Variants in STX2 observed in about 807,000 individuals in gnomAD.
The protein encoded by STX2 is syntaxin 2, also known as syntaxin-2.
In STX2, 27 loss-of-function variants were observed where a neutral mutation model predicts 40.6. That is an observed-to-expected ratio of 0.66 (90% CI 0.49 to 0.92). STX2 has a LOEUF of 0.92. STX2 is among the 40% of genes least tolerant of loss of function. The pLI is 0.00. For missense variants in STX2, 328 were observed against 366.1 expected (o/e 0.90, Z 0.85); for synonymous variants, 123 against 119.1 (o/e 1.03, Z -0.22).
chr12:130,818,187 T>A (rs1475568544), intron 3 of STX2, among the ~76,000 whole-genome samples: 622 of 54,292 alleles, frequency 0.011, 12 homozygotes, highest in African/African-American at 0.057. Flanking sequence ...AAAAAAAAAA[T>A]ATATATATAT....
intron 6 of STX2, among the ~76,000 whole-genome samples, chr12:130,806,260 G>A (rs1012036738): frequency 2.6e-5 from 4 of 152,192 alleles, no homozygotes; most frequent in Non-Finnish European, 5.9e-5. Context: ...GAGCTGACAC[G>A]CTGGCCTGCC....
chr12:130,818,185 A>AAAAAAAAAAAAAAT, intron 3 of STX2, among the ~76,000 whole-genome samples: 1 of 70,544 alleles, frequency 1.4e-5, no homozygotes, highest in African/African-American at 1.2e-4. Flanking sequence ...AAAAAAAAAA[A>AAAAAAAAAAAAAAT]ATATATATAT....
intron 2 of STX2, among the ~76,000 whole-genome samples, chr12:130,826,493 C>T (rs1393272847): frequency 2.0e-5 from 3 of 152,212 alleles, no homozygotes; most frequent in African/African-American, 7.2e-5. Flanking sequence ...CGGCCCCAAC[C>T]CACGCGGAGG....
At chr12:130,818,138 G>A (rs1215236992) in intron 3 of STX2, among the ~76,000 whole-genome samples, 2 of 137,390 alleles carry the variant, frequency 1.5e-5, no homozygotes, top group African/African-American at 5.8e-5. Flanking sequence ...GGGGACAGGA[G>A]AGGGGTAACA....
intron 10 of STX2, 118 bp from the exon 11 acceptor site, chr12:130,792,095 G>T: frequency 1.6e-6 from 1 of 625,918 alleles, no homozygotes; most frequent in Admixed American, 3.0e-5. Context: ...TATCAAGAAA[G>T]GACTCCTCCA....
chr12:130,803,631 C>T (rs1047605989), intron 6 of STX2, among the ~76,000 whole-genome samples: 2 of 143,786 alleles, frequency 1.4e-5, no homozygotes, highest in African/African-American at 5.3e-5. Context: ...CACAACACTG[C>T]ACTCCAGCCT....
At chr12:130,795,926 CA>C (rs1300613160) in intron 10 of STX2, 68 bp downstream of exon 10, 5 of 1,508,478 alleles carry the variant, frequency 3.3e-6, no homozygotes, top group Non-Finnish European at 4.4e-6. Flanking sequence ...ATGTCTATTA[CA>C]ATTAAGCAAA....
chr12:130,832,432 G>A (rs1952599973), intron 1 of STX2, among the ~76,000 whole-genome samples: 1 of 152,022 alleles, frequency 6.6e-6, no homozygotes, highest in East Asian at 1.9e-4. Context: ...CACATGCAGA[G>A]AGAGGACCAC....
intron 10 of STX2, among the ~76,000 whole-genome samples, chr12:130,793,871 T>C (rs1361504135): frequency 6.6e-6 from 1 of 152,262 alleles, no homozygotes; most frequent in Non-Finnish European, 1.5e-5. Context: ...TGCCTTCCTA[T>C]GCAAAGATAA....
chr12:130,834,561 G>C (rs1418762682), intron 1 of STX2, among the ~76,000 whole-genome samples: 1 of 152,146 alleles, frequency 6.6e-6, no homozygotes, highest in African/African-American at 2.4e-5. Flanking sequence ...TCTTACAGTT[G>C]CTACTCCTTA....
At chr12:130,811,000 T>C (rs1951626810) in intron 4 of STX2, 1 of 152,224 alleles carries the variant, frequency 6.6e-6, no homozygotes, top group African/African-American at 2.4e-5. Flanking sequence ...AGTTAAATTC[T>C]CCAAACTACC....
intron 4 of STX2, chr12:130,812,463 T>C (rs1170230252): frequency 7.4e-6 from 3 of 405,734 alleles, no homozygotes; most frequent in African/African-American, 6.4e-5. Flanking sequence ...TAAAAGTATT[T>C]TATCATCTGC....
chr12:130,828,538 C>T (rs1041120896), intron 1 of STX2, among the ~76,000 whole-genome samples: 1 of 151,774 alleles, frequency 6.6e-6, no homozygotes, highest in South Asian at 2.1e-4. Flanking sequence ...CTTCGCCCAG[C>T]CTGTACACTC....
chr12:130,830,385 A>G (rs968078856), intron 1 of STX2, among the ~76,000 whole-genome samples: 2 of 151,904 alleles, frequency 1.3e-5, no homozygotes, highest in Non-Finnish European at 2.9e-5. Flanking sequence ...CTCCTCTCCC[A>G]TGGTGACCGT....
At chr12:130,808,301 CT>C (rs1192583010) in intron 5 of STX2, among the ~76,000 whole-genome samples, 9 of 152,096 alleles carry the variant, frequency 5.9e-5, no homozygotes, top group Admixed American at 5.9e-4. Context: ...CCTACCCCCA[CT>C]TTTTCTCTTT....
chr12:130,801,321 A>G, intron 7 of STX2, 31 bp from the exon 8 acceptor site: 2 of 1,602,818 alleles, frequency 1.2e-6, no homozygotes, highest in Non-Finnish European at 1.7e-6. Context: ...AGATAATATT[A>G]ATAAACTTAT....
intron 10 of STX2, 40 bp from the exon 11 acceptor site, chr12:130,792,017 A>G: frequency 7.2e-7 from 1 of 1,390,006 alleles, no homozygotes; most frequent in Non-Finnish European, 1.0e-6. Context: ...AATGTATCAA[A>G]GAAATCAACA....
chr12:130,816,886 C>T (rs1189364923), intron 3 of STX2, among the ~76,000 whole-genome samples: 1 of 152,156 alleles, frequency 6.6e-6, no homozygotes, highest in Non-Finnish European at 1.5e-5. Flanking sequence ...CTAGGAGGAA[C>T]AGTCAGGTGG....
chr12:130,827,864 G>A (rs371984891), intron 1 of STX2, among the ~76,000 whole-genome samples: 63 of 152,270 alleles, frequency 4.1e-4, no homozygotes, highest in African/African-American at 1.3e-3. Flanking sequence ...GCCCATGCCT[G>A]TGGTCCCAGC....
Sources: allele counts gnomAD v4.1 joint callset (sites outside exome capture counted in the v4.1 genomes callset), GRCh38; gene constraint gnomAD v4.1.1; transcripts MANE v1.5; gene names NCBI Gene and HGNC (gene_info 2026-07-23, HGNC 2026-07-21).